The following PRKCA variants were observed in gnomAD, a reference collection of about 807,000 sequenced individuals.
PRKCA encodes the protein protein kinase C alpha.
A neutral mutation model predicts 87.0 loss-of-function variants in PRKCA; 27 were observed. That is an observed-to-expected ratio of 0.31 (90% confidence interval 0.23 to 0.43). The LOEUF (loss-of-function observed/expected upper bound fraction) is 0.43. PRKCA is among the 20% of genes least tolerant of loss of function. PRKCA has a pLI of 1.00. For synonymous variants in PRKCA, 329 were observed against 311.1 expected (o/e 1.06, Z -0.61); for missense variants, 518 against 852.3 (o/e 0.61, Z 4.88).
intron 3 of PRKCA, among the ~76,000 whole-genome samples, chr17:66,626,142 A>G (rs956267909): frequency 1.3e-5 from 2 of 152,008 alleles, no homozygotes; most frequent in Admixed American, 1.3e-4. Flanking sequence ...CAAGAGCCCA[A>G]AGGCTACCAT....
intron 2 of PRKCA, among the ~76,000 whole-genome samples, chr17:66,406,111 C>G (rs954847324): frequency 6.6e-6 from 1 of 152,130 alleles, no homozygotes; most frequent in African/African-American, 2.4e-5. Context: ...AGAATGATTG[C>G]CAGTTTCCAA....
intron 5 of PRKCA, among the ~76,000 whole-genome samples, chr17:66,653,762 G>A (rs1971653204): frequency 7.2e-6 from 1 of 138,894 alleles, no homozygotes; most frequent in South Asian, 2.3e-4. Flanking sequence ...AAAGACACCA[G>A]CTTCTATTTC....
intron 5 of PRKCA, among the ~76,000 whole-genome samples, chr17:66,656,305 G>T (rs946232710): frequency 3.3e-5 from 5 of 152,196 alleles, no homozygotes; most frequent in Admixed American, 2.6e-4. Flanking sequence ...TTCAGTGACT[G>T]CTGCCAGGAG....
At chr17:66,475,577 G>C (rs1915504100) in intron 2 of PRKCA, among the ~76,000 whole-genome samples, 1 of 152,106 alleles carries the variant, frequency 6.6e-6, no homozygotes, top group Non-Finnish European at 1.5e-5. Flanking sequence ...TGAGACATTT[G>C]CCTTGTGTGA....
Position 66,805,018 on chromosome 17 carries a change from T to C in PRKCA, c.*981T>C. On this transcript the variant is annotated 3_prime_UTR_variant, in exon 17 of 17. Transcript: ENST00000413366. ...TGCTTATTTATTTAATAGGCTGCAGTGTCGCTTATGAAAGTACGATGTACA... is the reference window on the plus strand; with the variant it reads ...TGCTTATTTATTTAATAGGCTGCAGCGTCGCTTATGAAAGTACGATGTACA... 1 of 984,968 alleles carries C rather than the reference T, an allele frequency of 1.0e-6. No homozygotes were observed. Among genetic ancestry groups the C allele is most frequent in the African/African-American group, 1.7e-5 (1 of 57,338 alleles). 61.0% of individuals were successfully genotyped at this position (984,968 alleles called of 1,614,324 possible).
chr17:66,457,030 G>T (rs977566203), intron 2 of PRKCA, among the ~76,000 whole-genome samples: 3 of 152,172 alleles, frequency 2.0e-5, no homozygotes, highest in Non-Finnish European at 4.4e-5. Flanking sequence ...TATGTTGTAG[G>T]CCCAGCTGTG....
chr17:66,789,034 G>A, intron 16 of PRKCA, 55 bp downstream of exon 16: 8 of 1,604,900 alleles, frequency 5.0e-6, no homozygotes, highest in Non-Finnish European at 6.8e-6. Flanking sequence ...AATTCTGGGA[G>A]TATCCCACTC....
intron 5 of PRKCA, among the ~76,000 whole-genome samples, chr17:66,674,149 G>A (rs1172444301): frequency 1.3e-5 from 2 of 152,230 alleles, no homozygotes; most frequent in Non-Finnish European, 2.9e-5. Context: ...TGATCCCTGG[G>A]GATGCGAGGG....
chr17:66,517,574 G>A (rs768073687), intron 3 of PRKCA, among the ~76,000 whole-genome samples: 1 of 152,164 alleles, frequency 6.6e-6, no homozygotes. Context: ...TATTGAATTA[G>A]CAAGTAAATG....
At chr17:66,526,804 G>A (rs1388257289) in intron 3 of PRKCA, among the ~76,000 whole-genome samples, 2 of 152,198 alleles carry the variant, frequency 1.3e-5, no homozygotes, top group Non-Finnish European at 2.9e-5. Flanking sequence ...CTGTGTCTGT[G>A]TGACTCCTAA....
chr17:66,307,113 TTC>T (rs1178062289), intron 2 of PRKCA, among the ~76,000 whole-genome samples: 2 of 152,180 alleles, frequency 1.3e-5, no homozygotes, highest in Non-Finnish European at 2.9e-5. Flanking sequence ...GTGAACTTGT[TTC>T]TTGTATACAT....
intron 13 of PRKCA, among the ~76,000 whole-genome samples, chr17:66,753,280 G>A (rs1423496831): frequency 6.6e-6 from 1 of 152,194 alleles, no homozygotes; most frequent in Non-Finnish European, 1.5e-5. Context: ...AACAACCTGG[G>A]TACTCAGAGC....
intron 2 of PRKCA, among the ~76,000 whole-genome samples, chr17:66,464,330 C>T (rs1209579570): frequency 6.6e-6 from 1 of 152,158 alleles, no homozygotes; most frequent in Middle Eastern, 3.2e-3. Flanking sequence ...AGAAGGCTGC[C>T]ATAAACATCC....
chr17:66,473,648 T>C (rs990903570), intron 2 of PRKCA, among the ~76,000 whole-genome samples: 1 of 152,088 alleles, frequency 6.6e-6, no homozygotes, highest in African/African-American at 2.4e-5. Context: ...GCAGCTAGTG[T>C]TTTGGTAGAA....
intron 8 of PRKCA, among the ~76,000 whole-genome samples, chr17:66,706,479 C>A (rs979545182): frequency 1.5e-4 from 21 of 142,860 alleles, no homozygotes; most frequent in Admixed American, 2.1e-4. Context: ...ACTAAAAATA[C>A]AAAAAAAAAA....
intron 3 of PRKCA, among the ~76,000 whole-genome samples, chr17:66,544,325 T>C (rs1567888556): frequency 6.6e-6 from 1 of 152,150 alleles, no homozygotes; most frequent in Non-Finnish European, 1.5e-5. Context: ...CTATAAACAC[T>C]AGTATTCTAG....
chr17:66,315,092 T>C (rs968320734), intron 2 of PRKCA, among the ~76,000 whole-genome samples: 3 of 152,080 alleles, frequency 2.0e-5, no homozygotes, highest in Admixed American at 6.6e-5. Context: ...TGCACAAAGT[T>C]TATGACGTAG....
chr17:66,382,127 G>A (rs1369243065), intron 2 of PRKCA, among the ~76,000 whole-genome samples: 1 of 152,092 alleles, frequency 6.6e-6, no homozygotes, highest in Non-Finnish European at 1.5e-5. Context: ...AGCTGCTTTG[G>A]TGGAGAAAAC....
chr17:66,763,648 G>T (rs1974735334), intron 13 of PRKCA, among the ~76,000 whole-genome samples: 1 of 152,138 alleles, frequency 6.6e-6, no homozygotes, highest in Admixed American at 6.5e-5. Flanking sequence ...ACAGTAAAAG[G>T]ACTTGAGTGT....
Sources: gnomAD v4.1 joint callset for allele counts (sites outside exome capture counted in the v4.1 genomes callset) on GRCh38, gnomAD v4.1.1 for gene constraint, MANE v1.5 for transcripts, NCBI Gene and HGNC (gene_info 2026-07-23, HGNC 2026-07-21) for gene names.